The following NCAM2 variants were observed in gnomAD, a reference collection of about 807,000 sequenced individuals.
NCAM2 encodes the protein N-CAM-2.
A neutral mutation model predicts 98.1 loss-of-function variants in NCAM2; 30 were observed. That is an observed-to-expected ratio of 0.31 (90% CI 0.23 to 0.41). The LOEUF (loss-of-function observed/expected upper bound fraction) is 0.41. NCAM2 is among the 10% of genes least tolerant of loss of function. The pLI, the probability that NCAM2 is intolerant of heterozygous loss-of-function variation, is 1.00. For synonymous variants in NCAM2, 368 were observed against 342.4 expected, an observed-to-expected ratio of 1.07 and a Z score of -0.83; for missense variants, 867 against 1,005.8, an observed-to-expected ratio of 0.86 and a Z score of 1.87.
At chr21:21,385,179 T>C (rs2148113643) in intron 9 of NCAM2, among the ~76,000 whole-genome samples, 1 of 152,216 alleles carries the variant, frequency 6.6e-6, no homozygotes, top group African/African-American at 2.4e-5. Flanking sequence ...CCTGGTTTGT[T>C]ATTAGATATT....
At chr21:21,207,550 A>G (rs922118776) in intron 1 of NCAM2, among the ~76,000 whole-genome samples, 4 of 48 alleles carry the variant, frequency 0.083, no homozygotes, top group African/African-American at 0.17. Flanking sequence ...GCTTTCCCAC[A>G]GAGAATTAAT....
At chr21:21,326,155 T>C (rs1252417902) in intron 6 of NCAM2, among the ~76,000 whole-genome samples, 2 of 152,156 alleles carry the variant, frequency 1.3e-5, no homozygotes, top group Non-Finnish European at 2.9e-5. Context: ...GAGGCAGAAA[T>C]ACATGGAAAC....
intron 1 of NCAM2, among the ~76,000 whole-genome samples, chr21:21,248,669 A>G (rs1334081761): frequency 6.6e-6 from 1 of 150,688 alleles, no homozygotes; most frequent in Admixed American, 6.7e-5. Flanking sequence ...CCCAGCTACT[A>G]GTGAGGCTGA....
intron 1 of NCAM2, among the ~76,000 whole-genome samples, chr21:21,066,926 C>T (rs767007564): frequency 6.6e-6 from 1 of 151,792 alleles, no homozygotes; most frequent in Admixed American, 6.6e-5. Flanking sequence ...ATAACTGTAG[C>T]GTGTGTTAGA....
At chr21:21,125,353 A>AATATTTTACATATATATGTAATATATG (rs1204064423) in intron 1 of NCAM2, among the ~76,000 whole-genome samples, 2 of 144,010 alleles carry the variant, frequency 1.4e-5, no homozygotes, top group African/African-American at 5.0e-5. Context: ...GTGGGGAGAT[A>AATATTTTACATATATATGTAATATATG]ATATTTTACA....
At chr21:21,161,110 T>C (rs952484990) in intron 1 of NCAM2, among the ~76,000 whole-genome samples, 4 of 151,992 alleles carry the variant, frequency 2.6e-5, no homozygotes, top group African/African-American at 9.7e-5. Context: ...GAATAAATTG[T>C]CCTGTGAATT....
intron 1 of NCAM2, among the ~76,000 whole-genome samples, chr21:21,076,704 A>G (rs981523041): frequency 6.6e-6 from 1 of 152,206 alleles, no homozygotes; most frequent in Non-Finnish European, 1.5e-5. Flanking sequence ...TAACTGTATG[A>G]AGATATAAAA....
intron 5 of NCAM2, among the ~76,000 whole-genome samples, chr21:21,322,558 T>C (rs2147786841): frequency 6.6e-6 from 1 of 152,200 alleles, no homozygotes; most frequent in East Asian, 1.9e-4. Context: ...TTTGTTGCTT[T>C]ATATTTAAAA....
intron 1 of NCAM2, among the ~76,000 whole-genome samples, chr21:21,078,801 A>G (rs2065732570): frequency 6.6e-6 from 1 of 152,184 alleles, no homozygotes; most frequent in African/African-American, 2.4e-5. Flanking sequence ...CCCATCAATG[A>G]TAGATTAGAT....
At chr21:21,507,410 A>G (rs373046168) in intron 15 of NCAM2, among the ~76,000 whole-genome samples, 5 of 152,300 alleles carry the variant, frequency 3.3e-5, no homozygotes, top group African/African-American at 1.2e-4. Flanking sequence ...ATTTACATCT[A>G]TACCCGTATC....
At chr21:21,106,692 G>T (rs2066356734) in intron 1 of NCAM2, among the ~76,000 whole-genome samples, 1 of 151,246 alleles carries the variant, frequency 6.6e-6, no homozygotes, top group African/African-American at 2.4e-5. Flanking sequence ...TGAGAATGAT[G>T]GGAAAAAGTA....
chr21:21,493,909 C>T (rs1444318484), intron 15 of NCAM2, among the ~76,000 whole-genome samples: 1 of 151,908 alleles, frequency 6.6e-6, no homozygotes, highest in Non-Finnish European at 1.5e-5. Flanking sequence ...AAAATGTCTT[C>T]AGTCAGATGC....
rs534344886 is a variant in NCAM2 at position 21,084,731 on chromosome 21, T to C, written c.55+86113T>C. Among the ~76,000 whole-genome samples, 69 of 152,200 alleles carry C rather than the reference T, an allele frequency of 4.5e-4. 1 individual carries two copies. Among genetic ancestry groups the C allele is most frequent in the Non-Finnish European group, 1.2e-4 (8 of 68,028 alleles). ...TGCCATGGAGGTAGGGAATGTTATT[T>C]TTTCCCCTCAAGTCTTTTGTTTCCC... On this transcript the variant is annotated intron_variant, in intron 1 of 17. Transcript: ENST00000400546.
intron 1 of NCAM2, among the ~76,000 whole-genome samples, chr21:21,159,021 G>T (rs1253563270): frequency 1.3e-5 from 2 of 152,106 alleles, no homozygotes; most frequent in African/African-American, 2.4e-5. Flanking sequence ...GGGGTAAGAT[G>T]TGGAGGTGGA....
At chr21:21,122,471 C>T (rs1408641282) in intron 1 of NCAM2, among the ~76,000 whole-genome samples, 1 of 152,142 alleles carries the variant, frequency 6.6e-6, no homozygotes, top group Non-Finnish European at 1.5e-5. Context: ...TAATGCTGTA[C>T]AAAAGCTGTC....
chr21:21,011,893 T>C (rs1236346928), intron 1 of NCAM2, among the ~76,000 whole-genome samples: 3 of 152,046 alleles, frequency 2.0e-5, no homozygotes, highest in Non-Finnish European at 4.4e-5. Flanking sequence ...ATGCTCAACA[T>C]TGGTTTTCAA....
chr21:21,376,245 G>C (rs2076030681), intron 9 of NCAM2, among the ~76,000 whole-genome samples: 1 of 151,792 alleles, frequency 6.6e-6, no homozygotes, highest in African/African-American at 2.4e-5. Flanking sequence ...ATGCATGACA[G>C]CATAGGTATT....
At chr21:21,104,643 G>A (rs919647093) in intron 1 of NCAM2, among the ~76,000 whole-genome samples, 5 of 152,046 alleles carry the variant, frequency 3.3e-5, no homozygotes, top group African/African-American at 1.2e-4. Flanking sequence ...ACAAGAATGA[G>A]CTTGGAATAT....
chr21:21,344,266 T>C (rs951884172), intron 8 of NCAM2, among the ~76,000 whole-genome samples: 2 of 152,134 alleles, frequency 1.3e-5, no homozygotes, highest in African/African-American at 4.8e-5. Flanking sequence ...TCAAGGGCTT[T>C]GATAAGCCTC....
Sources: gnomAD v4.1 joint callset for allele counts (sites outside exome capture counted in the v4.1 genomes callset) on GRCh38, gnomAD v4.1.1 for gene constraint, MANE v1.5 for transcripts, NCBI Gene and HGNC (gene_info 2026-07-23, HGNC 2026-07-21) for gene names.